SLC66A2: variants seen among roughly 807,000 people sequenced by gnomAD.
The protein encoded by SLC66A2 is solute carrier family 66 member 2.
SLC66A2 carries 23 observed loss-of-function variants against 25.5 expected under a neutral mutation model. That is an observed-to-expected ratio of 0.90 (90% CI 0.65 to 1.28). The LOEUF is 1.28. Ranked by LOEUF, SLC66A2 falls within the 50% of genes most tolerant of loss-of-function variation. SLC66A2 has a pLI of 0.00. For synonymous variants in SLC66A2, 193 were observed against 166.5 expected, an observed-to-expected ratio of 1.16 and a Z score of -1.23; for missense variants, 396 against 373.1, an observed-to-expected ratio of 1.06 and a Z score of -0.51.
chr18:79,925,773 T>G (rs1204146724), intron 4 of SLC66A2, among the ~76,000 whole-genome samples: 2 of 152,148 alleles, frequency 1.3e-5, no homozygotes, highest in African/African-American at 4.8e-5. Context: ...CAGGAGCACA[T>G]GAGAGAGCCT....
intron 2 of SLC66A2, chr18:79,949,645 A>T (rs1435962588): frequency 6.6e-6 from 1 of 152,472 alleles, no homozygotes; most frequent in Non-Finnish European, 1.5e-5. Flanking sequence ...GCCTGGCGAC[A>T]GAGCAAGACT....
Position 79,943,788 on chromosome 18 carries a change from A to T in SLC66A2, c.204-326T>A, listed in dbSNP as rs1335619394. 1.1e-5 allele frequency: 3 copies of T among 269,506 alleles called. No homozygotes were observed. The Admixed American group carries it at 1.6e-4, about 15-fold the overall frequency. 16.7% of individuals were successfully genotyped at this position (269,506 alleles called of 1,614,324 possible). On this transcript the variant is annotated intron_variant, in intron 2 of 5. Coordinates refer to ENST00000397778, the MANE Select transcript of SLC66A2 (RefSeq NM_025078.5). The stretch of plus-strand genomic sequence containing the variant: ...CCTGGTCCCGAACTTGCAGCAGGAA[A>T]GATCCTGTGTCGGGAGGGAGGCCCG...
chr18:79,945,495 G>T (rs1202574063), intron 2 of SLC66A2, among the ~76,000 whole-genome samples: 1 of 152,206 alleles, frequency 6.6e-6, no homozygotes, highest in Middle Eastern at 3.2e-3. Context: ...GTCAGCAGGG[G>T]CCACCACCGT....
chr18:79,934,642 G>A (rs1230648756), intron 3 of SLC66A2, among the ~76,000 whole-genome samples: 3 of 152,182 alleles, frequency 2.0e-5, no homozygotes, highest in South Asian at 2.1e-4. Context: ...TCCTATCTGC[G>A]CAGCCCCAGG....
intron 5 of SLC66A2, among the ~76,000 whole-genome samples, chr18:79,912,133 T>G (rs62101165): frequency 6.3e-4 from 16 of 25,584 alleles, no homozygotes; most frequent in African/African-American, 2.0e-3. Context: ...AGGGAGGGAG[T>G]GGGAGCAGGG....
intron 3 of SLC66A2, among the ~76,000 whole-genome samples, chr18:79,935,801 A>T (rs547046611): frequency 6.6e-6 from 1 of 151,382 alleles, no homozygotes; most frequent in Non-Finnish European, 1.5e-5. Flanking sequence ...CGAGTGAGGG[A>T]GAGAGAGAGA....
At chr18:79,950,169 AC>A (rs564292590) in intron 2 of SLC66A2, among the ~76,000 whole-genome samples, 1 of 151,320 alleles carries the variant, frequency 6.6e-6, no homozygotes, top group African/African-American at 2.4e-5. Flanking sequence ...AAGTGAGACA[AC>A]CCCCCACTCC....
chr18:79,935,211 C>A (rs1986960302), intron 3 of SLC66A2: 1 of 152,320 alleles, frequency 6.6e-6, no homozygotes, highest in African/African-American at 2.4e-5. Context: ...TGACTGTGAA[C>A]AGGCAATGGT....
At position 79,919,248 on chromosome 18, in the gene SLC66A2, C is replaced by T. The variant is rs767160813; in HGVS notation, c.544G>A (p.Glu182Lys). The T allele has an allele frequency of 7.4e-6, 12 of 1,613,252 alleles. No homozygotes were observed. The highest frequency in any genetic ancestry group is 1.7e-4 in the Middle Eastern group (1 of 6,060). Residue 182 changes from glutamate to lysine, a missense_variant, in exon 5 of 6, where the codon GAA becomes AAA. Physicochemically the swap from Glu to Lys is moderately conservative, Grantham distance 56. Coordinates refer to ENST00000397778, the MANE Select transcript of SLC66A2 (RefSeq NM_025078.5). ...ETLGFLAVLT[E>K]AMLGVPQLYR... The stretch of plus-strand genomic sequence containing the variant: ...AGCTGGGGCACACCCAGCATGGCTT[C>T]GGTCAGCACAGCCAGGAAGCCCAGG...
chr18:79,919,213 G>A lies in SLC66A2; in HGVS notation c.579C>T (p.Asn193=). Residue 193 remains asparagine (N), a synonymous_variant, in exon 5 of 6, where the codon AAC becomes AAT. Coordinates refer to ENST00000397778, the MANE Select transcript of SLC66A2 (RefSeq NM_025078.5). ...TGCCCTCCGTGGACTGGTGGCGGTG[G>A]TTGCGGTAAAGCTGGGGCACACCCA... is the stretch of plus-strand genomic sequence containing the variant. ...AMLGVPQLYR[N]HRHQSTEGMS... is the part of the protein sequence containing the mutation. The A allele has an allele frequency of 6.2e-7, 1 of 1,613,184 alleles. No individual in the cohort carries two copies. Among genetic ancestry groups the A allele is most frequent in the Non-Finnish European group, 8.5e-7 (1 of 1,180,012 alleles).
At chr18:79,939,691 T>C (rs1370838804) in intron 3 of SLC66A2, among the ~76,000 whole-genome samples, 2 of 152,164 alleles carry the variant, frequency 1.3e-5, no homozygotes, top group African/African-American at 4.8e-5. Flanking sequence ...TGCCGTCTCA[T>C]ACCAGTCGGA....
chr18:79,924,584 A>T (rs1032606169), intron 4 of SLC66A2, among the ~76,000 whole-genome samples: 6 of 152,190 alleles, frequency 3.9e-5, no homozygotes, highest in Admixed American at 1.3e-4. Context: ...TGTGAATTTT[A>T]TGTTATGTAA....
At chr18:79,922,470 T>G (rs1227287051) in intron 4 of SLC66A2, among the ~76,000 whole-genome samples, 1 of 152,052 alleles carries the variant, frequency 6.6e-6, no homozygotes, top group Non-Finnish European at 1.5e-5. Context: ...TAGGACATTC[T>G]GGGGATTCAA....
At chr18:79,948,070 G>T (rs2050994206) in intron 2 of SLC66A2, among the ~76,000 whole-genome samples, 2 of 152,230 alleles carry the variant, frequency 1.3e-5, no homozygotes, top group Admixed American at 1.3e-4. Flanking sequence ...CCCTGCGTGT[G>T]CACTCAGTGG....
At chr18:79,936,062 G>A (rs1599623881) in intron 3 of SLC66A2, among the ~76,000 whole-genome samples, 1 of 152,334 alleles carries the variant, frequency 6.6e-6, no homozygotes, top group East Asian at 1.9e-4. Context: ...AGGCTGGCTG[G>A]GCCACAGAGG....
chr18:79,943,861 G>T (rs60482876), intron 2 of SLC66A2: 2,137 of 208,134 alleles, frequency 0.01, 31 homozygotes, highest in African/African-American at 0.039. Flanking sequence ...AGAGACCCGG[G>T]TCAGAAGGGA....
chr18:79,931,868 T>C (rs1165035079), intron 4 of SLC66A2, among the ~76,000 whole-genome samples: 1 of 151,792 alleles, frequency 6.6e-6, no homozygotes, highest in Non-Finnish European at 1.5e-5. Flanking sequence ...ACAAAAAAAA[T>C]TGGCCAGGGA....
chr18:79,922,569 T>C (rs1033862072), intron 4 of SLC66A2, among the ~76,000 whole-genome samples: 1 of 152,122 alleles, frequency 6.6e-6, no homozygotes, highest in African/African-American at 2.4e-5. Flanking sequence ...TGTCATTTGC[T>C]AGATGCTGTA....
Position 79,933,995 on chromosome 18 carries a change from T to C in SLC66A2, c.365A>G (p.Lys122Arg). 6.2e-7 allele frequency: 1 copy of C among 1,612,848 alleles called. No individual in the cohort carries two copies. The highest frequency in any genetic ancestry group is 8.5e-7 in the Non-Finnish European group (1 of 1,179,728). The change falls in exon 4 of 6, where the codon AAG (lysine) becomes AGG (arginine). Residue 122 changes from lysine (K) to arginine (R), a missense_variant. Transcript: ENST00000397778. ...TAADSKDEEVKVAPRRSFLDF... is the reference protein window; with the variant it reads ...TAADSKDEEVRVAPRRSFLDF... ...CAGGAAGGACCGCCTGGGGGCAACC[T>C]TGACTTCTTCATCCTTGCTATCTGC...
Sources: gnomAD v4.1 joint callset for allele counts (sites outside exome capture counted in the v4.1 genomes callset) on GRCh38, gnomAD v4.1.1 for gene constraint, MANE v1.5 for transcripts, NCBI Gene and HGNC (gene_info 2026-07-23, HGNC 2026-07-21) for gene names.